Variants in TRPC5 observed in about 807,000 individuals in gnomAD.
TRPC5 encodes the protein transient receptor potential cation channel subfamily C member 5.
Under a neutral mutation model 56.5 loss-of-function variants are expected in TRPC5, and 9 were observed. The ratio of observed to expected loss-of-function variants is 0.16; its 90% CI spans 0.10 to 0.28. The LOEUF (loss-of-function observed/expected upper bound fraction) is 0.28, where lower values mean the gene tolerates loss of function less well. TRPC5 is among the 10% of genes least tolerant of loss of function. The pLI, the probability that TRPC5 is intolerant of heterozygous loss-of-function variation, is 1.00. For synonymous variants in TRPC5, 282 were observed against 278.5 expected (o/e 1.01, Z -0.13); for missense variants, 469 against 748.9 (o/e 0.63, Z 4.36).
chrX:111,833,893 G>A (rs917025987), intron 7 of TRPC5, among the ~76,000 whole-genome samples: 3 of 111,487 alleles, frequency 2.7e-5, no homozygotes, highest in East Asian at 2.8e-4. Context: ...AAAACAAGAC[G>A]TGGGTTTATT....
At chrX:111,786,405 A>C (rs937469803) in intron 7 of TRPC5, among the ~76,000 whole-genome samples, 17 of 111,629 alleles carry the variant, frequency 1.5e-4, no homozygotes, top group Non-Finnish European at 3.0e-4. Flanking sequence ...TACAAGAGCT[A>C]CTGAATGAAG....
intron 1 of TRPC5, among the ~76,000 whole-genome samples, chrX:112,020,478 C>A (rs1437739453): frequency 1.8e-5 from 2 of 111,628 alleles, no homozygotes; most frequent in Non-Finnish European, 3.8e-5. Flanking sequence ...ATGAGGAACA[C>A]AGAAGGAAAT....
intron 2 of TRPC5, among the ~76,000 whole-genome samples, chrX:111,942,249 A>G (rs1343854245): frequency 8.9e-6 from 1 of 112,200 alleles, no homozygotes; most frequent in Non-Finnish European, 1.9e-5. Context: ...CTGAGTATAC[A>G]TTTCTTGAAA....
At chrX:111,827,227 A>G in intron 7 of TRPC5, among the ~76,000 whole-genome samples, 1 of 111,451 alleles carries the variant, frequency 9.0e-6, no homozygotes, top group Non-Finnish European at 1.9e-5. Context: ...GCCTCTAAAT[A>G]TTGGAGTGCC....
intron 1 of TRPC5, among the ~76,000 whole-genome samples, chrX:111,963,269 C>A (rs1185126585): frequency 8.9e-6 from 1 of 112,367 alleles, no homozygotes; most frequent in Non-Finnish European, 1.9e-5. Context: ...GGCAGTGAGG[C>A]TGGGGGAGGG....
At chrX:112,062,115 T>C (rs986398150) in intron 1 of TRPC5, among the ~76,000 whole-genome samples, 3 of 111,946 alleles carry the variant, frequency 2.7e-5, no homozygotes, top group African/African-American at 6.5e-5. Context: ...AGCCAACTGG[T>C]TTTACTTTTA....
intron 1 of TRPC5, among the ~76,000 whole-genome samples, chrX:112,080,393 CAT>C (rs1357917067): frequency 1.5e-4 from 13 of 84,844 alleles, no homozygotes; most frequent in African/African-American, 7.0e-4. Flanking sequence ...TGAAAAACTA[CAT>C]ACACACACAC....
intron 7 of TRPC5, among the ~76,000 whole-genome samples, chrX:111,824,179 G>GAGATT (rs758744987): frequency 9.5e-6 from 1 of 105,521 alleles, no homozygotes; most frequent in South Asian, 4.6e-4. Context: ...TCAGAGAGCT[G>GAGATT]AGATTGTGCC....
intron 1 of TRPC5, among the ~76,000 whole-genome samples, chrX:112,056,440 C>T (rs1172655276): frequency 8.9e-6 from 1 of 112,358 alleles, no homozygotes; most frequent in Non-Finnish European, 1.9e-5. Context: ...ATCAAACATG[C>T]TTCCACACCA....
intron 1 of TRPC5, among the ~76,000 whole-genome samples, chrX:112,066,612 A>G (rs1930591178): frequency 8.9e-6 from 1 of 112,436 alleles, no homozygotes; most frequent in African/African-American, 3.2e-5. Context: ...TAGTTATGCT[A>G]TTTCAGGCAA....
chrX:111,855,364 G>A (rs1227639266), intron 3 of TRPC5, among the ~76,000 whole-genome samples: 1 of 111,574 alleles, frequency 9.0e-6, no homozygotes, highest in Non-Finnish European at 1.9e-5. Flanking sequence ...TTTCCTATGT[G>A]TGCTCCTCCA....
At chrX:111,801,530 T>G (rs1250402391) in intron 7 of TRPC5, among the ~76,000 whole-genome samples, 1 of 112,138 alleles carries the variant, frequency 8.9e-6, no homozygotes, top group African/African-American at 3.2e-5. Flanking sequence ...GGGTTCCAAT[T>G]TCTCCACATC....
intron 7 of TRPC5, among the ~76,000 whole-genome samples, chrX:111,828,432 A>G (rs1424387070): frequency 8.9e-6 from 1 of 112,048 alleles, no homozygotes; most frequent in African/African-American, 3.2e-5. Context: ...CCCTGTGAAG[A>G]GGTGGCTTCC....
At chrX:111,909,262 G>A (rs951852458) in intron 3 of TRPC5, among the ~76,000 whole-genome samples, 34 of 108,121 alleles carry the variant, frequency 3.1e-4, no homozygotes, top group Non-Finnish European at 5.7e-4. Flanking sequence ...CCCAGGAGTC[G>A]GAGGTTGCAG....
intron 1 of TRPC5, among the ~76,000 whole-genome samples, chrX:112,008,138 T>A (rs1928889842): frequency 8.9e-6 from 1 of 112,288 alleles, no homozygotes; most frequent in Non-Finnish European, 1.9e-5. Flanking sequence ...GGCTTGGACA[T>A]AAGTGAGGAG....
intron 7 of TRPC5, among the ~76,000 whole-genome samples, chrX:111,810,282 A>C (rs1189118442): frequency 9.0e-6 from 1 of 111,236 alleles, no homozygotes; most frequent in African/African-American, 3.3e-5. Context: ...AGAGGACTGC[A>C]TAAGGACTCA....
intron 3 of TRPC5, among the ~76,000 whole-genome samples, chrX:111,908,303 T>C (rs1034297774): frequency 1.8e-5 from 2 of 111,783 alleles, no homozygotes; most frequent in Non-Finnish European, 3.8e-5. Context: ...AACTTTAAGA[T>C]ATATATGATT....
chrX:111,789,679 T>C (rs1023545962), intron 7 of TRPC5, among the ~76,000 whole-genome samples: 11 of 112,277 alleles, frequency 9.8e-5, no homozygotes, highest in Admixed American at 7.5e-4. Context: ...GACAAAGGGC[T>C]AATATCCAGA....
At chrX:112,019,497 G>A (rs993752567) in intron 1 of TRPC5, among the ~76,000 whole-genome samples, 1 of 109,167 alleles carries the variant, frequency 9.2e-6, no homozygotes, top group Non-Finnish European at 1.9e-5. Flanking sequence ...GTGCAGTGGC[G>A]CGATCTCGGC....
Sources: allele counts gnomAD v4.1 joint callset (sites outside exome capture counted in the v4.1 genomes callset), GRCh38; gene constraint gnomAD v4.1.1; transcripts MANE v1.5; gene names NCBI Gene and HGNC (gene_info 2026-07-23, HGNC 2026-07-21).